Variants in GPC6 observed in about 807,000 individuals in gnomAD.
GPC6 encodes the protein glypican 6, also known as glypican-6.
In GPC6, 14 loss-of-function variants were observed where a neutral mutation model predicts 55.2. The observed-to-expected ratio is 0.25, with a 90% CI of 0.17 to 0.40. The LOEUF (loss-of-function observed/expected upper bound fraction) is 0.40. Among genes scored for constraint, GPC6 ranks in the 10% least tolerant of loss-of-function variants. The probability of loss-of-function intolerance (pLI) is 1.00; values close to 1 mark genes in which losing one functional copy is unlikely to be tolerated. For missense variants in GPC6, 641 were observed against 708.5 expected (o/e 0.90, Z 1.08); for synonymous variants, 278 against 259.6 (o/e 1.07, Z -0.68).
chr13:93,487,445 C>T (rs969957491), intron 1 of GPC6, among the ~76,000 whole-genome samples: 2 of 152,064 alleles, frequency 1.3e-5, no homozygotes, highest in East Asian at 1.9e-4. Context: ...TGCTAGTAAA[C>T]GTGTGTTATT....
At chr13:94,070,614 A>G (rs972561111) in intron 4 of GPC6, among the ~76,000 whole-genome samples, 1 of 152,244 alleles carries the variant, frequency 6.6e-6, no homozygotes, top group South Asian at 2.1e-4. Flanking sequence ...CTATGAGATA[A>G]TTCAGTGTTG....
At chr13:93,588,405 TGATTA>T (rs1877307691) in intron 2 of GPC6, among the ~76,000 whole-genome samples, 1 of 151,874 alleles carries the variant, frequency 6.6e-6, no homozygotes, top group Non-Finnish European at 1.5e-5. Context: ...TGTGTGTATT[TGATTA>T]TTTACTTTTA....
At chr13:93,800,543 G>T (rs1462035562) in intron 2 of GPC6, among the ~76,000 whole-genome samples, 5 of 152,148 alleles carry the variant, frequency 3.3e-5, no homozygotes, top group African/African-American at 1.2e-4. Context: ...TTAGTGTCAG[G>T]ACAAACCTCT....
At chr13:93,496,123 C>T (rs1880262054) in intron 1 of GPC6, among the ~76,000 whole-genome samples, 1 of 152,138 alleles carries the variant, frequency 6.6e-6, no homozygotes, top group Non-Finnish European at 1.5e-5. Flanking sequence ...CTCCCCCAGC[C>T]TTGCTGCCTC....
chr13:93,939,777 A>G (rs1295647066), intron 3 of GPC6, among the ~76,000 whole-genome samples: 1 of 152,094 alleles, frequency 6.6e-6, no homozygotes, highest in Non-Finnish European at 1.5e-5. Flanking sequence ...AGGGCACTAA[A>G]CACTCTTTCT....
chr13:93,556,981 T>G (rs1475337285), intron 2 of GPC6, among the ~76,000 whole-genome samples: 1 of 152,182 alleles, frequency 6.6e-6, no homozygotes, highest in Non-Finnish European at 1.5e-5. Context: ...TGTAGAAAAC[T>G]TGTATAATTT....
intron 3 of GPC6, among the ~76,000 whole-genome samples, chr13:93,887,403 A>G (rs976165746): frequency 6.6e-6 from 1 of 152,092 alleles, no homozygotes; most frequent in African/African-American, 2.4e-5. Context: ...TTGTTATTTA[A>G]TTAATAGGAA....
chr13:93,981,338 C>G (rs1266439049), intron 3 of GPC6, among the ~76,000 whole-genome samples: 1 of 152,066 alleles, frequency 6.6e-6, no homozygotes, highest in Non-Finnish European at 1.5e-5. Flanking sequence ...TACAAAATAC[C>G]TCATATTTTT....
intron 2 of GPC6, among the ~76,000 whole-genome samples, chr13:93,778,754 C>G (rs889872417): frequency 1.3e-5 from 2 of 152,152 alleles, no homozygotes; most frequent in African/African-American, 2.4e-5. Flanking sequence ...CCATTCCAAG[C>G]AAATGGCTTA....
At chr13:94,180,229 A>G (rs890085529) in intron 4 of GPC6, among the ~76,000 whole-genome samples, 1 of 152,206 alleles carries the variant, frequency 6.6e-6, no homozygotes, top group African/African-American at 2.4e-5. Flanking sequence ...TGACCGTGAC[A>G]TTGGAAGTAG....
intron 1 of GPC6, among the ~76,000 whole-genome samples, chr13:93,396,483 A>C (rs1334738572): frequency 6.6e-6 from 1 of 152,054 alleles, no homozygotes; most frequent in African/African-American, 2.4e-5. Context: ...GAATCGCTTG[A>C]ACCCGGGAGG....
At chr13:94,302,649 A>G (rs899388228) in intron 5 of GPC6, among the ~76,000 whole-genome samples, 3 of 152,202 alleles carry the variant, frequency 2.0e-5, no homozygotes, top group Non-Finnish European at 4.4e-5. Context: ...CTCCTTTGTA[A>G]ACCATTCTCA....
chr13:93,408,307 A>G (rs190401987), intron 1 of GPC6, among the ~76,000 whole-genome samples: 9 of 152,314 alleles, frequency 5.9e-5, no homozygotes, highest in Non-Finnish European at 1.3e-4. Flanking sequence ...TCTGTGGACT[A>G]GAATAGAAGA....
At chr13:94,243,778 C>T (rs1271080664) in intron 4 of GPC6, among the ~76,000 whole-genome samples, 1 of 152,088 alleles carries the variant, frequency 6.6e-6, no homozygotes, top group Non-Finnish European at 1.5e-5. Flanking sequence ...TTTGGTTCAT[C>T]ATTTATCCTG....
rs111987749 is a variant in GPC6 at position 94,145,675 on chromosome 13, C to T, written c.877+117781C>T. On this transcript the variant is annotated intron_variant, in intron 4 of 8. Coordinates refer to ENST00000377047, the MANE Select transcript of GPC6 (RefSeq NM_005708.5). Reference sequence around the variant, plus strand: ...TTCAGTAAACTGTTATGACGTGTTCCCATAAATGTGTGAACTTTTCCAAGT... The same window carrying T: ...TTCAGTAAACTGTTATGACGTGTTCTCATAAATGTGTGAACTTTTCCAAGT... Among the ~76,000 whole-genome samples, 1,364 of 152,160 alleles carry T rather than the reference C, an allele frequency of 9.0e-3. 28 individuals are homozygous for T. The highest frequency in any genetic ancestry group is 0.031 in the African/African-American group (1,291 of 41,518).
chr13:93,946,439 T>G (rs1879014599), intron 3 of GPC6, among the ~76,000 whole-genome samples: 1 of 152,176 alleles, frequency 6.6e-6, no homozygotes, highest in African/African-American at 2.4e-5. Flanking sequence ...CCCCAAACTT[T>G]ATTTTTAATA....
chr13:93,364,344 G>T (rs1213024018), intron 1 of GPC6, among the ~76,000 whole-genome samples: 1 of 152,036 alleles, frequency 6.6e-6, no homozygotes, highest in African/African-American at 2.4e-5. Flanking sequence ...CATGGAGAAT[G>T]TATGTTATCT....
chr13:93,970,147 C>T (rs1327168212), intron 3 of GPC6, among the ~76,000 whole-genome samples: 1 of 152,060 alleles, frequency 6.6e-6, no homozygotes, highest in Non-Finnish European at 1.5e-5. Flanking sequence ...TTCGATTTTT[C>T]CATAGAGTGT....
At chr13:93,618,038 T>C (rs1878798358) in intron 2 of GPC6, among the ~76,000 whole-genome samples, 1 of 152,054 alleles carries the variant, frequency 6.6e-6, no homozygotes, top group South Asian at 2.1e-4. Context: ...GTAGAGAATA[T>C]ACATGGACAT....
Sources: allele counts gnomAD v4.1 joint callset (sites outside exome capture counted in the v4.1 genomes callset), GRCh38; gene constraint gnomAD v4.1.1; transcripts MANE v1.5; gene names NCBI Gene and HGNC (gene_info 2026-07-23, HGNC 2026-07-21).